The following SCD5 variants were observed in gnomAD, a reference collection of about 807,000 sequenced individuals.
The protein encoded by SCD5 is acyl-CoA-desaturase 4.
A neutral mutation model predicts 30.4 loss-of-function variants in SCD5; 20 were observed. That is an observed-to-expected ratio of 0.66 (90% CI 0.46 to 0.96). SCD5 has a LOEUF of 0.96. Ranked by LOEUF, SCD5 falls within the 40% of genes least tolerant of loss-of-function variation. The pLI is 0.00. For synonymous variants in SCD5, 173 were observed against 176.4 expected (o/e 0.98, Z 0.16); for missense variants, 381 against 443.3 (o/e 0.86, Z 1.26).
Position 82,629,988 on chromosome 4 carries a change from C to T in SCD5, c.*1339G>A, listed in dbSNP as rs946322234. On this transcript the variant is annotated 3_prime_UTR_variant, in exon 5 of 5. Transcript: ENST00000319540. ...TGGTCTGATGTGGAAAATTAATATG[C>T]TTATTTAGCAGAAGTAGCTAAAGTA... 1.3e-5 allele frequency: 2 copies of T among 152,168 alleles called. No homozygotes were observed. Among genetic ancestry groups the T allele is most frequent in the Admixed American group, 1.3e-4 (2 of 15,274 alleles). 9.4% of individuals were successfully genotyped at this position (152,168 alleles called of 1,614,324 possible).
At chr4:82,768,187 C>T (rs1288976760) in intron 1 of SCD5, among the ~76,000 whole-genome samples, 1 of 152,062 alleles carries the variant, frequency 6.6e-6, no homozygotes, top group East Asian at 1.9e-4. Flanking sequence ...AAATAAATAC[C>T]ACAATTATCA....
chr4:82,767,492 T>C (rs1314697935), intron 1 of SCD5, among the ~76,000 whole-genome samples: 1 of 152,164 alleles, frequency 6.6e-6, no homozygotes, highest in Non-Finnish European at 1.5e-5. Flanking sequence ...TCTCCTTTCT[T>C]GGAGATCTCC....
chr4:82,683,125 T>A (rs1016264555), intron 2 of SCD5, among the ~76,000 whole-genome samples: 6 of 152,150 alleles, frequency 3.9e-5, no homozygotes, highest in Non-Finnish European at 7.4e-5. Flanking sequence ...GCTTTGAATA[T>A]AAAGAGAGAA....
chr4:82,757,831 G>A (rs765558523), intron 1 of SCD5, among the ~76,000 whole-genome samples: 4 of 152,176 alleles, frequency 2.6e-5, no homozygotes, highest in Non-Finnish European at 4.4e-5. Flanking sequence ...TTCAGGAAAA[G>A]AGAGTCCTAA....
At chr4:82,772,613 A>G (rs1030740689) in intron 1 of SCD5, among the ~76,000 whole-genome samples, 2 of 152,190 alleles carry the variant, frequency 1.3e-5, no homozygotes, top group African/African-American at 4.8e-5. Flanking sequence ...GTCTAGTCTC[A>G]GCAGGGATGG....
chr4:82,777,796 C>CGAGTA (rs1721775275), intron 1 of SCD5, among the ~76,000 whole-genome samples: 1 of 152,094 alleles, frequency 6.6e-6, no homozygotes, highest in African/African-American at 2.4e-5. Flanking sequence ...TTTTCTCGGC[C>CGAGTA]AGTGTTTAAA....
chr4:82,778,334 A>C (rs1006262908), intron 1 of SCD5, among the ~76,000 whole-genome samples: 3 of 152,166 alleles, frequency 2.0e-5, no homozygotes, highest in African/African-American at 7.2e-5. Flanking sequence ...ACCTGGCCCA[A>C]GGAGGGTGCT....
chr4:82,636,684 G>A lies in SCD5; in HGVS notation c.709C>T (p.Leu237=). 6.2e-7 allele frequency: 1 copy of A among 1,614,238 alleles called. No homozygotes were observed. Among genetic ancestry groups the A allele is most frequent in the Non-Finnish European group, 8.5e-7 (1 of 1,180,058 alleles). The stretch of plus-strand genomic sequence containing the variant: ...TACATGTGGGCGGCGCTGTTGACCA[G>A]CCAGCTGATGTTGAGTGAGATGGTA... ...RYTISLNISW[L]VNSAAHMYGN... The change falls in exon 4 of 5, where the codon CTG becomes TTG. Residue 237 remains leucine, a synonymous_variant. Transcript: ENST00000319540.
chr4:82,687,614 T>C (rs1392098458), intron 2 of SCD5, among the ~76,000 whole-genome samples: 3 of 152,218 alleles, frequency 2.0e-5, no homozygotes, highest in Non-Finnish European at 4.4e-5. Context: ...GTGCCCTCGC[T>C]TGAACCCATT....
chr4:82,682,318 A>G (rs1299244800), intron 2 of SCD5, among the ~76,000 whole-genome samples: 1 of 152,182 alleles, frequency 6.6e-6, no homozygotes, highest in Admixed American at 6.5e-5. Flanking sequence ...CCAAGAATTG[A>G]TGGCATTCAC....
rs759212245 is a variant in SCD5, at chr4:82,631,498, G to C, written c.822C>G (p.Tyr274Ter). 6.2e-7 allele frequency: 1 copy of C among 1,614,092 alleles called. No homozygotes were observed. Among genetic ancestry groups the C allele is most frequent in the East Asian group, 2.2e-5 (1 of 44,884 alleles). ...LGAIGEGFHN[Y>*]HHTFPFDYSA... ...AGTAGTCAAAGGGAAAGGTGTGATG[G>C]TAATTATGGAAGCCTTCACCTGGAA... The change falls in exon 5 of 5, where the codon TAC becomes TAG. Residue 274 changes from tyrosine to a stop codon, truncating the protein, a stop_gained. Transcript: ENST00000319540. LOFTEE classifies it high-confidence loss of function.
intron 3 of SCD5, among the ~76,000 whole-genome samples, chr4:82,669,182 G>T (rs554749577): frequency 2.7e-4 from 41 of 152,244 alleles, no homozygotes; most frequent in Admixed American, 4.6e-4. Context: ...GAAGATGAAG[G>T]TGGGGTAGAG....
chr4:82,679,047 A>C (rs959304388), intron 3 of SCD5, among the ~76,000 whole-genome samples: 3 of 151,474 alleles, frequency 2.0e-5, no homozygotes, highest in Non-Finnish European at 2.9e-5. Flanking sequence ...AAAAATACAA[A>C]AATTAGCCGG....
chr4:82,701,163 G>A (rs1578028136), intron 2 of SCD5, among the ~76,000 whole-genome samples: 7 of 152,172 alleles, frequency 4.6e-5, no homozygotes, highest in African/African-American at 1.7e-4. Context: ...GTGGTACAGT[G>A]TTATTTGAAA....
intron 1 of SCD5, among the ~76,000 whole-genome samples, chr4:82,710,141 G>A (rs1192408540): frequency 2.0e-5 from 3 of 152,158 alleles, no homozygotes; most frequent in African/African-American, 7.2e-5. Flanking sequence ...ACATCTGACT[G>A]CATCAGAAAT....
At chr4:82,794,552 T>C (rs1722168255) in intron 1 of SCD5, among the ~76,000 whole-genome samples, 1 of 152,162 alleles carries the variant, frequency 6.6e-6, no homozygotes, top group South Asian at 2.1e-4. Context: ...GGGCATTGAC[T>C]AACTGTCCCT....
chr4:82,681,504 G>T, intron 2 of SCD5, among the ~76,000 whole-genome samples: 1 of 152,098 alleles, frequency 6.6e-6, no homozygotes, highest in South Asian at 2.1e-4. Flanking sequence ...GATGGAGCTG[G>T]GGGTCATTAT....
chr4:82,798,617 G>A lies in SCD5; in HGVS notation c.-80C>T. The A allele has an allele frequency of 7.8e-7, 1 of 1,288,672 alleles. No individual in the cohort carries two copies. Among genetic ancestry groups the A allele is most frequent in the Middle Eastern group, 2.6e-4 (1 of 3,904 alleles). 79.8% of individuals were successfully genotyped at this position (1,288,672 alleles called of 1,614,324 possible). ...AGCGGAGCTCGAGGGTGGGGGCGGG[G>A]GCTTCTGCCTTTTAGGGGGGAATTC... On this transcript the variant is annotated 5_prime_UTR_variant, in exon 1 of 5. Transcript: ENST00000319540.
At chr4:82,639,918 G>C (rs1727506338) in intron 3 of SCD5, among the ~76,000 whole-genome samples, 1 of 152,198 alleles carries the variant, frequency 6.6e-6, no homozygotes, top group Admixed American at 6.5e-5. Flanking sequence ...TCTGAAAGAA[G>C]AGGGAGAGAA....
Sources: gnomAD v4.1 joint callset for allele counts (sites outside exome capture counted in the v4.1 genomes callset) on GRCh38, gnomAD v4.1.1 for gene constraint, MANE v1.5 for transcripts, NCBI Gene and HGNC (gene_info 2026-07-23, HGNC 2026-07-21) for gene names.